KLC1: variants seen among roughly 807,000 people sequenced by gnomAD.
KLC1 encodes kinesin 2 60/70kDa.
KLC1 carries 30 observed loss-of-function variants against 84.2 expected under a neutral mutation model. The observed-to-expected ratio is 0.36, with a 90% CI of 0.27 to 0.48. KLC1 has a LOEUF of 0.48. Among genes scored for constraint, KLC1 ranks in the 20% least tolerant of loss-of-function variants. The probability of loss-of-function intolerance (pLI) is 0.99; values close to 1 mark genes in which losing one functional copy is unlikely to be tolerated. For missense variants in KLC1, 499 were observed against 805.4 expected (o/e 0.62, Z 4.60); for synonymous variants, 289 against 293.3 (o/e 0.99, Z 0.15).
chr14:103,640,999 A>G (rs1433989527), intron 1 of KLC1, among the ~76,000 whole-genome samples: 1 of 151,708 alleles, frequency 6.6e-6, no homozygotes, highest in Non-Finnish European at 1.5e-5. Context: ...TCCATGGCTC[A>G]CTGCAACCTC....
intron 14 of KLC1, 126 bp downstream of exon 14, chr14:103,687,337 C>T: frequency 1.0e-6 from 1 of 982,582 alleles, no homozygotes; most frequent in Non-Finnish European, 1.4e-6. Flanking sequence ...CGTATTCTCA[C>T]AACCGAAGGG....
intron 3 of KLC1, among the ~76,000 whole-genome samples, chr14:103,659,184 G>T (rs1411925607): frequency 6.8e-6 from 1 of 147,564 alleles, no homozygotes; most frequent in Admixed American, 6.8e-5. Context: ...CACCATGTTG[G>T]CCACTCCTGA....
chr14:103,644,030 A>T (rs774727985), intron 1 of KLC1, among the ~76,000 whole-genome samples: 40 of 151,978 alleles, frequency 2.6e-4, no homozygotes, highest in Non-Finnish European at 3.8e-4. Context: ...CCTGGGTAAC[A>T]TGGTGAAACC....
At position 103,693,767 on chromosome 14, in the gene KLC1, A is replaced by G; in HGVS notation, c.1848+1342A>G. ...CCACCAACCTTGGAGGTGCCTTTTCAAAACACCCGGGAGGCCGTGCCTCAG... is the reference window on the plus strand; with the variant it reads ...CCACCAACCTTGGAGGTGCCTTTTCGAAACACCCGGGAGGCCGTGCCTCAG... On this transcript the variant is annotated intron_variant, in intron 15 of 16. Coordinates refer to ENST00000334553, the MANE Select transcript of KLC1 (RefSeq NM_001394837.1). This position sits in a 1 kb window ranked among gnomAD's most constrained non-coding sequence, Gnocchi z 5.1. The G allele has an allele frequency of 7.0e-7, 1 of 1,427,798 alleles. No homozygotes were observed. Among genetic ancestry groups the G allele is most frequent in the Non-Finnish European group, 9.1e-7 (1 of 1,094,802 alleles). The allele number at this position is 1,427,798 out of a possible 1,614,324, so 88.4% of individuals were successfully genotyped here. A position where few individuals can be genotyped will look rare whatever the true frequency, so the allele number is the denominator to read the frequency against.
intron 13 of KLC1, chr14:103,683,881 A>G (rs957926236): frequency 6.6e-5 from 10 of 152,248 alleles, no homozygotes; most frequent in Admixed American, 2.6e-4. Flanking sequence ...TTTATTTTTA[A>G]AAAATGACAA....
At chr14:103,699,179 C>T in intron 15 of KLC1, 2 of 1,562,366 alleles carry the variant, frequency 1.3e-6, no homozygotes, top group Non-Finnish European at 1.7e-6. Flanking sequence ...GCCTCTGTCA[C>T]CTGGAAGAGC....
chr14:103,657,673 A>G lies in KLC1; in HGVS notation c.389A>G (p.Lys130Arg). 1 of 1,614,188 alleles carries G rather than the reference A, an allele frequency of 6.2e-7. No homozygotes were observed. Among genetic ancestry groups the G allele is most frequent in the East Asian group, 2.2e-5 (1 of 44,888 alleles). The change falls in exon 3 of 17, where the codon AAA becomes AGA. Residue 130 changes from lysine (K) to arginine (R), a missense_variant. Coordinates refer to ENST00000334553, the MANE Select transcript of KLC1 (RefSeq NM_001394837.1). The stretch of plus-strand genomic sequence containing the variant: ...GATGAACTGGCCAACACGCAGCAGA[A>G]ACTGCAGAAGAGTGAGCAGTCTGTG... ...LRDELANTQQ[K>R]LQKSEQSVAQ...
chr14:103,662,606 A>C, intron 4 of KLC1, 96 bp from the exon 5 acceptor site: 1 of 1,043,840 alleles, frequency 9.6e-7, no homozygotes, highest in South Asian at 1.6e-5. Flanking sequence ...CCAAGTACTA[A>C]CTTGAACCAA....
At chr14:103,678,689 C>CAAAG (rs1212461091) in intron 12 of KLC1, among the ~76,000 whole-genome samples, 2 of 144,950 alleles carry the variant, frequency 1.4e-5, no homozygotes, top group African/African-American at 5.2e-5. Flanking sequence ...GACCCTGTCT[C>CAAAG]AAAGAAAGAA....
intron 5 of KLC1, among the ~76,000 whole-genome samples, chr14:103,664,819 C>CTTTTTTTTTTTTTTTTTTTTTTTTT (rs34967823): frequency 2.0e-5 from 2 of 102,006 alleles, no homozygotes; most frequent in Non-Finnish European, 3.9e-5. Context: ...TTGGCCAAGG[C>CTTTTTTTTTTTTTTTTTTTTTTTTT]TTTTTTTTTT....
intron 1 of KLC1, among the ~76,000 whole-genome samples, chr14:103,650,110 C>CTT (rs534960975): frequency 5.5e-5 from 8 of 145,152 alleles, no homozygotes; most frequent in African/African-American, 2.0e-4. Context: ...TTAAATAGGA[C>CTT]TTTTTTTTTT....
intron 1 of KLC1, among the ~76,000 whole-genome samples, chr14:103,634,875 C>A (rs2076939290): frequency 6.6e-6 from 1 of 152,132 alleles, no homozygotes; most frequent in African/African-American, 2.4e-5. Context: ...GCCACTGCAC[C>A]CGGCCTGTTG....
At chr14:103,633,061 ATT>A (rs775065731) in intron 1 of KLC1, among the ~76,000 whole-genome samples, 1 of 144,558 alleles carries the variant, frequency 6.9e-6, no homozygotes, top group Non-Finnish European at 1.5e-5. Context: ...GGGTTGGAAG[ATT>A]TTTTTTTTTT....
chr14:103,657,505 G>T, intron 2 of KLC1, 41 bp from the exon 3 acceptor site: 1 of 1,544,336 alleles, frequency 6.5e-7, no homozygotes, highest in South Asian at 1.1e-5. Flanking sequence ...ACTCTTGCTG[G>T]ACAACGTGCC....
intron 13 of KLC1, chr14:103,684,793 T>G: frequency 1.7e-6 from 1 of 578,334 alleles, no homozygotes; most frequent in Non-Finnish European, 3.2e-6. Flanking sequence ...CTGCCAAGCA[T>G]TTAGTTGAGG....
intron 15 of KLC1, chr14:103,695,042 C>T (rs1387989465): frequency 4.1e-6 from 4 of 985,250 alleles, no homozygotes; most frequent in African/African-American, 1.7e-5. Flanking sequence ...CTCCTGACTC[C>T]ATTCTTGCAG....
intron 12 of KLC1, among the ~76,000 whole-genome samples, chr14:103,678,346 T>G (rs756194415): frequency 1.3e-5 from 2 of 152,182 alleles, no homozygotes; most frequent in Non-Finnish European, 2.9e-5. Context: ...ATCTGTTGGA[T>G]TCACCAAAGT....
chr14:103,634,082 T>C (rs1041450409), intron 1 of KLC1, among the ~76,000 whole-genome samples: 1 of 152,130 alleles, frequency 6.6e-6, no homozygotes, highest in Non-Finnish European at 1.5e-5. Flanking sequence ...TTGGCCAGGC[T>C]GGTCTCGAAC....
At chr14:103,631,494 A>G (rs890008253) in intron 1 of KLC1, among the ~76,000 whole-genome samples, 2 of 152,254 alleles carry the variant, frequency 1.3e-5, no homozygotes, top group East Asian at 3.8e-4. Context: ...ACATACTTGT[A>G]TAAAAAGAAA....
Sources: allele counts gnomAD v4.1 joint callset (sites outside exome capture counted in the v4.1 genomes callset), GRCh38; gene constraint gnomAD v4.1.1; non-coding constraint Gnocchi (gnomAD v3.1); transcripts MANE v1.5; gene names NCBI Gene and HGNC (gene_info 2026-07-23, HGNC 2026-07-21).